The following ACVR1B variants were observed in gnomAD, a reference collection of about 807,000 sequenced individuals.
ACVR1B encodes activin receptor type-1B.
ACVR1B carries 15 observed loss-of-function variants against 55.6 expected under a neutral mutation model. The ratio of observed to expected loss-of-function variants is 0.27; its 90% CI spans 0.18 to 0.42. The LOEUF is 0.42. Among genes scored for constraint, ACVR1B ranks in the 10% least tolerant of loss-of-function variants. ACVR1B has a pLI of 1.00. For missense variants in ACVR1B, 359 were observed against 670.1 expected (o/e 0.54, Z 5.13); for synonymous variants, 247 against 254.6 (o/e 0.97, Z 0.28).
Position 51,995,761 on chromosome 12 carries a change from C to G in ACVR1B, c.*1651C>G, listed in dbSNP as rs1385788308. On this transcript the variant is annotated 3_prime_UTR_variant, in exon 9 of 9. Coordinates refer to ENST00000257963, the MANE Select transcript of ACVR1B (RefSeq NM_004302.5). ...GAAATGTTTGTCCTTGCACCTGAGC[C>G]TGTTCCCACTCAGCAGTGAGAGTTC... is the stretch of plus-strand genomic sequence containing the variant. 1 of 152,582 alleles carries G rather than the reference C, an allele frequency of 6.6e-6. No homozygotes were observed. 9.5% of individuals were successfully genotyped at this position (152,582 alleles called of 1,614,324 possible).
At chr12:51,965,514 G>A (rs779095530) in intron 1 of ACVR1B, among the ~76,000 whole-genome samples, 13 of 152,204 alleles carry the variant, frequency 8.5e-5, no homozygotes, top group African/African-American at 1.4e-4. Context: ...CAGCAGCTGG[G>A]TGGGAGGACA....
intron 1 of ACVR1B, among the ~76,000 whole-genome samples, chr12:51,966,268 C>A (rs1204703715): frequency 6.6e-6 from 1 of 152,102 alleles, no homozygotes; most frequent in Non-Finnish European, 1.5e-5. Flanking sequence ...TTAAATGACA[C>A]CTTGGAGAGT....
intron 3 of ACVR1B, among the ~76,000 whole-genome samples, chr12:51,978,811 C>CA (rs1361472115): frequency 1.7e-4 from 21 of 125,250 alleles, no homozygotes; most frequent in South Asian, 4.9e-4. Context: ...GCCTGGGCAA[C>CA]AGAGCGAGAC....
chr12:51,984,661 A>G (rs183544938), intron 5 of ACVR1B, among the ~76,000 whole-genome samples: 326 of 152,346 alleles, frequency 2.1e-3, no homozygotes, highest in Non-Finnish European at 3.6e-3. Flanking sequence ...GTTGATTATC[A>G]TGTCGGCTCT....
intron 3 of ACVR1B, among the ~76,000 whole-genome samples, chr12:51,977,485 C>G (rs1435071844): frequency 6.6e-6 from 1 of 151,892 alleles, no homozygotes; most frequent in African/African-American, 2.4e-5. Context: ...TTAGTAGAGA[C>G]AAGGTTTCGC....
chr12:51,955,983 T>G (rs1374138642), intron 1 of ACVR1B, among the ~76,000 whole-genome samples: 2 of 152,280 alleles, frequency 1.3e-5, no homozygotes, highest in African/African-American at 4.8e-5. Context: ...GAGCTTTGGC[T>G]TCAGAGGCAC....
At position 51,986,710 on chromosome 12, in the gene ACVR1B, A is replaced by G. The variant is rs988007398; in HGVS notation, c.1137-108A>G. ...CACTTCTTCTGCCCCAAGGGACTTTATCAGGGTGATACTCTTCCACATTCA... is the reference window on the plus strand; with the variant it reads ...CACTTCTTCTGCCCCAAGGGACTTTGTCAGGGTGATACTCTTCCACATTCA... On this transcript the variant is annotated intron_variant, in intron 6 of 8. Transcript: ENST00000257963. The G allele has an allele frequency of 4.8e-6, 7 of 1,453,338 alleles. No homozygotes were observed. In the South Asian group the frequency reaches 5.5e-5, roughly 11 times the overall value. The allele number at this position is 1,453,338 out of a possible 1,614,324, so 90.0% of individuals were successfully genotyped here. A position where few individuals can be genotyped will look rare whatever the true frequency, so the allele number is the denominator to read the frequency against.
chr12:51,979,589 A>G (rs192023858), intron 3 of ACVR1B, among the ~76,000 whole-genome samples: 112 of 152,236 alleles, frequency 7.4e-4, no homozygotes, highest in African/African-American at 2.6e-3. Flanking sequence ...ATGAAGGTCC[A>G]CTGTATGTTT....
intron 1 of ACVR1B, among the ~76,000 whole-genome samples, chr12:51,955,955 C>T (rs1941400704): frequency 6.6e-6 from 1 of 152,252 alleles, no homozygotes; most frequent in Admixed American, 6.5e-5. Context: ...GTTTTTCACT[C>T]TCATGCAGGT....
intron 7 of ACVR1B, among the ~76,000 whole-genome samples, chr12:51,991,406 T>C (rs1942188919): frequency 6.6e-6 from 1 of 151,760 alleles, no homozygotes; most frequent in African/African-American, 2.4e-5. Context: ...TCTTTTTGTT[T>C]AGTTGTTTTG....
At chr12:51,990,222 G>T (rs1223029461) in intron 7 of ACVR1B, among the ~76,000 whole-genome samples, 5 of 151,276 alleles carry the variant, frequency 3.3e-5, no homozygotes, top group Admixed American at 1.3e-4. Context: ...GTACCCGGCA[G>T]GTGGAAGTTG....
In ACVR1B at chr12:51,993,765, T is replaced by TAAA. The variant is rs869161100; in HGVS notation, c.1393-183_1393-181dup. Among the ~76,000 whole-genome samples, 17 of 29,768 alleles carry TAAA rather than the reference T, an allele frequency of 5.7e-4. 2 individuals are homozygous for TAAA. Among genetic ancestry groups the TAAA allele is most frequent in the Admixed American group, 3.8e-3 (6 of 1,580 alleles). 19.5% of individuals were successfully genotyped at this position (29,768 alleles called of 152,430 possible). On this transcript the variant is annotated intron_variant, in intron 8 of 8. Coordinates refer to ENST00000257963, the MANE Select transcript of ACVR1B (RefSeq NM_004302.5). The stretch of plus-strand genomic sequence containing the variant: ...CTGGGTGACAGAGTGAGACTCCTTC[T>TAAA]AAAAAAAAAAAAAAAAAAAAAAAAA...
intron 1 of ACVR1B, among the ~76,000 whole-genome samples, chr12:51,969,537 C>A (rs1941705268): frequency 6.6e-6 from 1 of 152,104 alleles, no homozygotes; most frequent in South Asian, 2.1e-4. Flanking sequence ...ATTATACTAC[C>A]CACTCGAGAG....
At chr12:51,962,677 G>C (rs1941558051) in intron 1 of ACVR1B, among the ~76,000 whole-genome samples, 1 of 152,100 alleles carries the variant, frequency 6.6e-6, no homozygotes. Context: ...TTTAGTGCCA[G>C]ACATTTTTTA....
chr12:51,977,603 ATTCCTTT>A (rs1941887234), intron 3 of ACVR1B, among the ~76,000 whole-genome samples: 2 of 138,112 alleles, frequency 1.4e-5, no homozygotes, highest in Non-Finnish European at 3.1e-5. Context: ...ATGGTATTGC[ATTCCTTT>A]TTTTTTTTTT....
At chr12:51,955,082 A>G (rs1941382936) in intron 1 of ACVR1B, among the ~76,000 whole-genome samples, 2 of 152,132 alleles carry the variant, frequency 1.3e-5, no homozygotes, top group Admixed American at 1.3e-4. Context: ...TTTAGGCTTT[A>G]TTGGTTTGGC....
intron 1 of ACVR1B, 96 bp downstream of exon 1, chr12:51,951,930 C>A: frequency 2.8e-6 from 2 of 711,328 alleles, no homozygotes; most frequent in Non-Finnish European, 3.9e-6. Context: ...GCGCCCCCTC[C>A]CCACGAGCAC....
Position 51,994,200 on chromosome 12 carries a change from C to T in ACVR1B, c.*90C>T, listed in dbSNP as rs1942254711. 6.5e-7 allele frequency: 1 copy of T among 1,542,490 alleles called. No individual in the cohort carries two copies. The highest frequency in any genetic ancestry group is 8.7e-7 in the Non-Finnish European group (1 of 1,146,466). ...TACGATGGAGGCCTACCTCTCGTTTCTGCCCAGCCCTCTGTGGCCAGGAGC... is the reference window on the plus strand; with the variant it reads ...TACGATGGAGGCCTACCTCTCGTTTTTGCCCAGCCCTCTGTGGCCAGGAGC... On this transcript the variant is annotated 3_prime_UTR_variant, in exon 9 of 9. Transcript: ENST00000257963. This position sits in a 1 kb window ranked among gnomAD's most constrained non-coding sequence, Gnocchi z 4.2.
chr12:51,985,754 A>G (rs1942064193), intron 6 of ACVR1B, among the ~76,000 whole-genome samples: 1 of 152,190 alleles, frequency 6.6e-6, no homozygotes, highest in African/African-American at 2.4e-5. Context: ...GATTTGCCAA[A>G]CTATAGCAAA....
Sources: allele counts gnomAD v4.1 joint callset (sites outside exome capture counted in the v4.1 genomes callset), GRCh38; gene constraint gnomAD v4.1.1; non-coding constraint Gnocchi (gnomAD v3.1); transcripts MANE v1.5; gene names NCBI Gene and HGNC (gene_info 2026-07-23, HGNC 2026-07-21).